Variants in ADCY2 observed in about 807,000 individuals in gnomAD.
ADCY2 encodes the protein adenylate cyclase 2, also known as adenylate cyclase type 2.
A neutral mutation model predicts 125.2 loss-of-function variants in ADCY2; 31 were observed. That is an observed-to-expected ratio of 0.25 (90% CI 0.19 to 0.33). ADCY2 has a LOEUF of 0.33. Ranked by LOEUF, ADCY2 falls within the 10% of genes least tolerant of loss-of-function variation. The pLI, the probability that ADCY2 is intolerant of heterozygous loss-of-function variation, is 1.00. For missense variants in ADCY2, 904 were observed against 1,418.2 expected (o/e 0.64, Z 5.82); for synonymous variants, 512 against 548.4 (o/e 0.93, Z 0.93).
At chr5:7,548,832 A>G (rs1735233184) in intron 3 of ADCY2, among the ~76,000 whole-genome samples, 1 of 152,212 alleles carries the variant, frequency 6.6e-6, no homozygotes, top group Non-Finnish European at 1.5e-5. Flanking sequence ...ATACAAATGA[A>G]CATTGTGAAA....
chr5:7,745,076 G>A (rs1015051111), intron 15 of ADCY2, among the ~76,000 whole-genome samples: 3 of 152,146 alleles, frequency 2.0e-5, no homozygotes, highest in African/African-American at 7.2e-5. Context: ...TTATTGCAAT[G>A]TTGTTTTGCT....
chr5:7,596,274 C>T (rs1297373745), intron 3 of ADCY2, among the ~76,000 whole-genome samples: 1 of 96,104 alleles, frequency 1.0e-5, no homozygotes, highest in Non-Finnish European at 2.4e-5. Flanking sequence ...GATCCAAAAA[C>T]TCCCCCCCCC....
intron 1 of ADCY2, among the ~76,000 whole-genome samples, chr5:7,408,740 G>A (rs1219858513): frequency 6.6e-6 from 1 of 152,118 alleles, no homozygotes; most frequent in African/African-American, 2.4e-5. Flanking sequence ...ACAGATGCTG[G>A]TGAGGTTGTG....
At chr5:7,475,002 G>A (rs1742468727) in intron 2 of ADCY2, among the ~76,000 whole-genome samples, 1 of 152,204 alleles carries the variant, frequency 6.6e-6, no homozygotes, top group Non-Finnish European at 1.5e-5. Flanking sequence ...GCGCTCCCGG[G>A]AGGCGTGGCT....
intron 12 of ADCY2, among the ~76,000 whole-genome samples, chr5:7,723,751 C>T (rs1246151398): frequency 6.6e-6 from 1 of 151,532 alleles, no homozygotes; most frequent in African/African-American, 2.4e-5. Flanking sequence ...TGAAACCCCA[C>T]CTCTACTAAA....
intron 4 of ADCY2, among the ~76,000 whole-genome samples, chr5:7,626,940 A>G (rs762929092): frequency 6.6e-6 from 1 of 152,208 alleles, no homozygotes; most frequent in Non-Finnish European, 1.5e-5. Flanking sequence ...CCTTCAGACC[A>G]AGGGACCCAG....
At chr5:7,788,888 A>G (rs1232034461) in intron 19 of ADCY2, among the ~76,000 whole-genome samples, 2 of 152,252 alleles carry the variant, frequency 1.3e-5, no homozygotes, top group South Asian at 2.1e-4. Context: ...CTATTTCATG[A>G]TTAAATTAAA....
intron 4 of ADCY2, among the ~76,000 whole-genome samples, chr5:7,629,947 A>G (rs902648039): frequency 1.3e-5 from 2 of 152,198 alleles, no homozygotes; most frequent in Non-Finnish European, 2.9e-5. Context: ...ATAGAGGGAG[A>G]ATAAACCCTC....
intron 2 of ADCY2, among the ~76,000 whole-genome samples, chr5:7,449,767 T>A (rs1030948986): frequency 6.6e-6 from 1 of 152,206 alleles, no homozygotes; most frequent in Admixed American, 6.5e-5. Context: ...CAACCCTGTG[T>A]CAACAAAGTC....
intron 18 of ADCY2, among the ~76,000 whole-genome samples, chr5:7,775,858 C>G (rs1384558987): frequency 2.6e-5 from 4 of 152,172 alleles, no homozygotes; most frequent in African/African-American, 7.2e-5. Flanking sequence ...TCAGAAGCAT[C>G]TTCAATGGAA....
Position 7,754,694 on chromosome 5 carries a change from G to C in ADCY2, c.1957-2755G>C, listed in dbSNP as rs571931644. On this transcript the variant is annotated intron_variant, in intron 15 of 24. Coordinates refer to ENST00000338316, the MANE Select transcript of ADCY2 (RefSeq NM_020546.3). ...TATAGGTTGGTGCAAAAGTAGTTGC[G>C]GTTTAAAGGTAATGGCAAAAAACAA... Among the ~76,000 whole-genome samples the C allele has an allele frequency of 4.9e-5, 7 of 141,516 alleles. No individual in the cohort carries two copies. In the South Asian group the frequency reaches 1.7e-3, roughly 34 times the overall value. 92.8% of individuals were successfully genotyped at this position (141,516 alleles called of 152,430 possible).
intron 4 of ADCY2, among the ~76,000 whole-genome samples, chr5:7,678,074 T>C (rs371422684): frequency 4.6e-5 from 7 of 152,234 alleles, no homozygotes; most frequent in African/African-American, 1.7e-4. Flanking sequence ...ATGTACTTAT[T>C]CAAATTAATC....
intron 12 of ADCY2, 135 bp from the exon 13 acceptor site, chr5:7,724,408 GTT>G (rs371811181): frequency 0.034 from 18,430 of 548,284 alleles, 22 homozygotes; most frequent in African/African-American, 0.051. Context: ...GGCATCACGT[GTT>G]TTTTTTTTTT....
intron 4 of ADCY2, among the ~76,000 whole-genome samples, chr5:7,682,734 G>C (rs1740381722): frequency 6.6e-6 from 1 of 152,170 alleles, no homozygotes; most frequent in African/African-American, 2.4e-5. Context: ...CCTGAGTTTA[G>C]GATGGTAATG....
intron 3 of ADCY2, among the ~76,000 whole-genome samples, chr5:7,547,499 C>T (rs1233125550): frequency 4.6e-5 from 7 of 152,110 alleles, no homozygotes; most frequent in Non-Finnish European, 1.0e-4. Flanking sequence ...TGGGCGTGTC[C>T]GGGGAGACCA....
chr5:7,742,347 T>G (rs929915298), intron 14 of ADCY2, among the ~76,000 whole-genome samples: 4 of 152,114 alleles, frequency 2.6e-5, no homozygotes, highest in Non-Finnish European at 5.9e-5. Context: ...GCCCGGCCCA[T>G]GAGACTAGTC....
At chr5:7,648,727 T>C (rs1401797750) in intron 4 of ADCY2, among the ~76,000 whole-genome samples, 1 of 152,166 alleles carries the variant, frequency 6.6e-6, no homozygotes, top group African/African-American at 2.4e-5. Flanking sequence ...TTAAAATCAT[T>C]TTGTATCATT....
intron 14 of ADCY2, among the ~76,000 whole-genome samples, chr5:7,733,271 C>T (rs943841828): frequency 1.8e-4 from 28 of 152,222 alleles, no homozygotes; most frequent in African/African-American, 5.8e-4. Flanking sequence ...TCTCTAGTAT[C>T]AGTTTCATTA....
At chr5:7,548,844 T>A (rs1207172522) in intron 3 of ADCY2, among the ~76,000 whole-genome samples, 1 of 152,176 alleles carries the variant, frequency 6.6e-6, no homozygotes, top group Non-Finnish European at 1.5e-5. Context: ...ATTGTGAAAT[T>A]AAAAATAAAC....
Sources: gnomAD v4.1 joint callset for allele counts (sites outside exome capture counted in the v4.1 genomes callset) on GRCh38, gnomAD v4.1.1 for gene constraint, MANE v1.5 for transcripts, NCBI Gene and HGNC (gene_info 2026-07-23, HGNC 2026-07-21) for gene names.